HCN1: variants seen among roughly 807,000 people sequenced by gnomAD.
HCN1 encodes the protein hyperpolarization activated cyclic nucleotide gated potassium channel 1.
In HCN1, 13 loss-of-function variants were observed where a neutral mutation model predicts 78.9. The observed-to-expected ratio is 0.16, with a 90% CI of 0.11 to 0.26. The LOEUF (loss-of-function observed/expected upper bound fraction) is 0.26, where lower values mean the gene tolerates loss of function less well. Ranked by LOEUF, HCN1 falls within the 10% of genes least tolerant of loss-of-function variation. HCN1 has a pLI of 1.00. For synonymous variants in HCN1, 552 were observed against 455.5 expected (o/e 1.21, Z -2.70); for missense variants, 810 against 1,154.3 (o/e 0.70, Z 4.32).
intron 4 of HCN1, among the ~76,000 whole-genome samples, chr5:45,354,068 T>A (rs1175902039): frequency 2.0e-4 from 31 of 151,256 alleles, no homozygotes. Flanking sequence ...AGAGAGAGAT[T>A]GTTTGTAAGT....
At chr5:45,404,341 A>G (rs1289252136) in intron 3 of HCN1, among the ~76,000 whole-genome samples, 1 of 152,182 alleles carries the variant, frequency 6.6e-6, no homozygotes, top group Non-Finnish European at 1.5e-5. Flanking sequence ...CCCACAGACA[A>G]TAAGCAAATA....
chr5:45,497,991 G>C (rs60930590), intron 2 of HCN1, among the ~76,000 whole-genome samples: 53 of 152,146 alleles, frequency 3.5e-4, no homozygotes, highest in African/African-American at 8.2e-4. Context: ...GAGGGTAACC[G>C]GACCTTTCTC....
chr5:45,623,245 T>G (rs1745103546), intron 2 of HCN1, among the ~76,000 whole-genome samples: 1 of 152,194 alleles, frequency 6.6e-6, no homozygotes, highest in African/African-American at 2.4e-5. Context: ...TCCTTGACAC[T>G]GAACAAGCAG....
chr5:45,348,414 A>G (rs1746798971), intron 5 of HCN1, among the ~76,000 whole-genome samples: 1 of 152,152 alleles, frequency 6.6e-6, no homozygotes, highest in South Asian at 2.1e-4. Flanking sequence ...GAAAAATCAC[A>G]CCAAATTGCA....
intron 5 of HCN1, among the ~76,000 whole-genome samples, chr5:45,329,307 T>G (rs1448240764): frequency 6.6e-6 from 1 of 151,516 alleles, no homozygotes; most frequent in Non-Finnish European, 1.5e-5. Flanking sequence ...CTACTTTCTG[T>G]GTCTGTCAAT....
intron 4 of HCN1, among the ~76,000 whole-genome samples, chr5:45,387,824 T>G (rs1221970959): frequency 6.6e-6 from 1 of 152,158 alleles, no homozygotes; most frequent in African/African-American, 2.4e-5. Context: ...TGTTTTATTC[T>G]TATGCATACA....
chr5:45,336,777 C>T (rs979682758), intron 5 of HCN1, among the ~76,000 whole-genome samples: 8 of 151,952 alleles, frequency 5.3e-5, no homozygotes, highest in African/African-American at 1.4e-4. Context: ...AGTGAGGGGC[C>T]ACTTCCTGGT....
At chr5:45,622,678 T>C (rs931185300) in intron 2 of HCN1, among the ~76,000 whole-genome samples, 6 of 151,740 alleles carry the variant, frequency 4.0e-5, no homozygotes, top group Non-Finnish European at 8.8e-5. Context: ...AAGGAACCCA[T>C]CAACATGAAA....
At chr5:45,615,271 A>G (rs1744920115) in intron 2 of HCN1, among the ~76,000 whole-genome samples, 2 of 152,102 alleles carry the variant, frequency 1.3e-5, no homozygotes, top group Non-Finnish European at 2.9e-5. Flanking sequence ...ATAGTGAATC[A>G]TGATCTTTTG....
chr5:45,320,569 T>G (rs1468864122), intron 5 of HCN1, among the ~76,000 whole-genome samples: 1 of 151,828 alleles, frequency 6.6e-6, no homozygotes, highest in East Asian at 1.9e-4. Flanking sequence ...AGTAACCACA[T>G]GCTTGCAAGA....
Position 45,267,237 on chromosome 5 carries a change from G to A in HCN1, c.1635C>T (p.Thr545=). The A allele has an allele frequency of 6.2e-7, 1 of 1,613,794 alleles. No individual in the cohort carries two copies. The highest frequency in any genetic ancestry group is 1.1e-5 in the South Asian group (1 of 91,076). The part of the protein sequence containing the change: ...GSYFGEICLL[T]KGRRTASVRA... ...GAACACTGGCAGTACGACGTCCTTT[G>A]GTCAGCAGGCAAATCTCTATAAAAA... The change falls in exon 7 of 8, where the codon ACC becomes ACT. Residue 545 remains threonine, a synonymous_variant. Coordinates refer to ENST00000303230, the MANE Select transcript of HCN1 (RefSeq NM_021072.4).
intron 2 of HCN1, among the ~76,000 whole-genome samples, chr5:45,606,312 G>T (rs541445623): frequency 2.0e-5 from 3 of 151,430 alleles, no homozygotes; most frequent in Non-Finnish European, 2.9e-5. Context: ...GTGGGGTAGG[G>T]GTGCATATAT....
At chr5:45,499,318 A>T (rs1742136780) in intron 2 of HCN1, among the ~76,000 whole-genome samples, 1 of 152,168 alleles carries the variant, frequency 6.6e-6, no homozygotes, top group African/African-American at 2.4e-5. Flanking sequence ...CGGTTGGAAA[A>T]GCGTAGTATT....
rs539002540 is a variant in HCN1, at chr5:45,260,208, T to C, written c.*1713A>G. Reference sequence around the variant, plus strand: ...TGTGTGATCTCTGTATGTTCTTAAATGTATTGCCAGTGCCAGAGATACTGA... The same window carrying C: ...TGTGTGATCTCTGTATGTTCTTAAACGTATTGCCAGTGCCAGAGATACTGA... On this transcript the variant is annotated 3_prime_UTR_variant, in exon 8 of 8. Transcript: ENST00000303230. 6.6e-6 allele frequency: 1 copy of C among 152,336 alleles called. No homozygotes were observed. Among genetic ancestry groups the C allele is most frequent in the East Asian group, 1.9e-4 (1 of 5,184 alleles). 9.4% of individuals were successfully genotyped at this position (152,336 alleles called of 1,614,324 possible).
chr5:45,464,680 GTGA>G (rs199819213), intron 2 of HCN1, among the ~76,000 whole-genome samples: 4,978 of 152,112 alleles, frequency 0.033, 300 homozygotes, highest in African/African-American at 0.11. Context: ...AATATTACTT[GTGA>G]TGAATACGTG....
rs1745136873 is a variant in HCN1, at chr5:45,280,589, A to G, written c.1619-13336T>C. Among the ~76,000 whole-genome samples the G allele has an allele frequency of 2.0e-5, 3 of 152,172 alleles. No individual in the cohort carries two copies. In the South Asian group the frequency reaches 6.2e-4, roughly 32 times the overall value. Reference sequence around the variant, plus strand: ...AACTCCTCACACTGAAAGTACCACAATAAGGACTGACAGGAGTGCTCATGA... The same window carrying G: ...AACTCCTCACACTGAAAGTACCACAGTAAGGACTGACAGGAGTGCTCATGA... On this transcript the variant is annotated intron_variant, in intron 6 of 7. Transcript: ENST00000303230.
rs544879051 is a variant in HCN1, at chr5:45,281,785, G to A, written c.1619-14532C>T. On this transcript the variant is annotated intron_variant, in intron 6 of 7. Transcript: ENST00000303230. The stretch of plus-strand genomic sequence containing the variant: ...TTTTTTTGTATTTTAGTAGAGATGG[G>A]GTTTCACCATATTTGCCAGGATGGT... Among the ~76,000 whole-genome samples the A allele has an allele frequency of 9.3e-5, 14 of 151,274 alleles. No homozygotes were observed. The South Asian group carries it at 2.9e-3, about 32-fold the overall frequency.
intron 2 of HCN1, among the ~76,000 whole-genome samples, chr5:45,553,111 A>G (rs1000397351): frequency 2.6e-5 from 4 of 151,846 alleles, no homozygotes; most frequent in Non-Finnish European, 4.4e-5. Flanking sequence ...GCCTCCTCTG[A>G]AGGAAAGAAA....
At chr5:45,686,503 T>C (rs574169268) in intron 1 of HCN1, among the ~76,000 whole-genome samples, 1 of 152,324 alleles carries the variant, frequency 6.6e-6, no homozygotes, top group African/African-American at 2.4e-5. Flanking sequence ...CCTAGAATAA[T>C]TGCACCACAA....
Sources: allele counts gnomAD v4.1 joint callset (sites outside exome capture counted in the v4.1 genomes callset), GRCh38; gene constraint gnomAD v4.1.1; transcripts MANE v1.5; gene names NCBI Gene and HGNC (gene_info 2026-07-23, HGNC 2026-07-21).